Variants in ATP8A2 observed in about 807,000 individuals in gnomAD.
The protein encoded by ATP8A2 is ATPase phospholipid transporting 8A2, also known as phospholipid-transporting ATPase IB.
Under a neutral mutation model 165.6 loss-of-function variants are expected in ATP8A2, and 100 were observed. The ratio of observed to expected loss-of-function variants is 0.60; its 90% CI spans 0.51 to 0.71. The LOEUF (loss-of-function observed/expected upper bound fraction) is 0.71. Ranked by LOEUF, ATP8A2 falls within the 30% of genes least tolerant of loss-of-function variation. The pLI, the probability that ATP8A2 is intolerant of heterozygous loss-of-function variation, is 0.00. For missense variants in ATP8A2, 1,227 were observed against 1,479.5 expected (o/e 0.83, Z 2.80); for synonymous variants, 543 against 548.8 (o/e 0.99, Z 0.15).
intron 27 of ATP8A2, among the ~76,000 whole-genome samples, chr13:25,779,154 G>A (rs2044812685): frequency 6.6e-6 from 1 of 151,820 alleles, no homozygotes; most frequent in Admixed American, 6.6e-5. Context: ...ACAAACACTT[G>A]GCTGCTTTCA....
At chr13:25,420,960 C>T (rs891316791) in intron 1 of ATP8A2, among the ~76,000 whole-genome samples, 1 of 152,172 alleles carries the variant, frequency 6.6e-6, no homozygotes, top group Admixed American at 6.5e-5. Context: ...CATGGGATGT[C>T]TTCCTGAGGT....
At chr13:25,986,542 T>G (rs1956283090) in intron 35 of ATP8A2, among the ~76,000 whole-genome samples, 1 of 152,284 alleles carries the variant, frequency 6.6e-6, no homozygotes, top group Admixed American at 6.5e-5. Flanking sequence ...CAAGATTTCC[T>G]GTTTTATGGC....
intron 27 of ATP8A2, among the ~76,000 whole-genome samples, chr13:25,810,818 T>G (rs2138511995): frequency 6.6e-6 from 1 of 152,306 alleles, no homozygotes; most frequent in South Asian, 2.1e-4. Flanking sequence ...GTCACTTGTT[T>G]CCTGAGTAGA....
chr13:25,880,311 C>T (rs946610776), intron 33 of ATP8A2, among the ~76,000 whole-genome samples: 25 of 148,458 alleles, frequency 1.7e-4, no homozygotes, highest in African/African-American at 5.7e-4. Context: ...GAAGTAGCCA[C>T]ATGTCCCATC....
intron 25 of ATP8A2, among the ~76,000 whole-genome samples, chr13:25,715,348 T>G (rs1050110059): frequency 6.6e-6 from 1 of 152,226 alleles, no homozygotes; most frequent in African/African-American, 2.4e-5. Flanking sequence ...TATTGAAATA[T>G]TAGCATACCA....
chr13:25,384,232 A>T (rs1165579724), intron 1 of ATP8A2, among the ~76,000 whole-genome samples: 2 of 152,086 alleles, frequency 1.3e-5, no homozygotes, highest in South Asian at 4.1e-4. Flanking sequence ...TTTAGTTTTG[A>T]TTAGTTTTTA....
intron 1 of ATP8A2, among the ~76,000 whole-genome samples, chr13:25,423,475 T>C (rs1593286822): frequency 6.6e-6 from 1 of 152,336 alleles, no homozygotes; most frequent in East Asian, 1.9e-4. Context: ...TTTTGTATGA[T>C]AGAATTCTAA....
rs538997538 is a variant in ATP8A2 at position 25,563,775 on chromosome 13, T to C, written c.1398-181T>C. ...GTAAAGTATCTTATTTATAGTAAAC[T>C]CCAGGATTAATTGTTTTGAGGTTTA... is the stretch of plus-strand genomic sequence containing the variant. On this transcript the variant is annotated intron_variant, in intron 15 of 36. Coordinates refer to ENST00000381655, the MANE Select transcript of ATP8A2 (RefSeq NM_016529.6). Among the ~76,000 whole-genome samples, 6 of 152,294 alleles carry C rather than the reference T, an allele frequency of 3.9e-5. No individual in the cohort carries two copies. In the East Asian group the frequency reaches 9.6e-4, roughly 24 times the overall value.
At chr13:25,598,302 AT>A (rs1304802915) in intron 24 of ATP8A2, among the ~76,000 whole-genome samples, 1 of 151,816 alleles carries the variant, frequency 6.6e-6, no homozygotes, top group Non-Finnish European at 1.5e-5. Context: ...CTCCAACTTT[AT>A]TTTTTTTAAA....
intron 2 of ATP8A2, among the ~76,000 whole-genome samples, chr13:25,502,399 C>T (rs1335578085): frequency 2.6e-5 from 4 of 152,170 alleles, no homozygotes; most frequent in Admixed American, 2.6e-4. Flanking sequence ...AATTTACTGT[C>T]AAGTATTGAA....
chr13:25,588,481 C>T (rs4512948), intron 23 of ATP8A2, among the ~76,000 whole-genome samples: 5,792 of 152,214 alleles, frequency 0.038, 136 homozygotes, highest in Non-Finnish European at 0.051. Flanking sequence ...TTGCTAGCCA[C>T]GTGTAGCATC....
intron 35 of ATP8A2, among the ~76,000 whole-genome samples, chr13:25,992,891 A>C (rs1295834987): frequency 1.7e-5 from 2 of 119,450 alleles, no homozygotes; most frequent in Non-Finnish European, 1.7e-5. Context: ...TCCTGTGTCC[A>C]TGTGATCTCA....
At chr13:25,891,266 T>G (rs1953351152) in intron 33 of ATP8A2, among the ~76,000 whole-genome samples, 1 of 152,186 alleles carries the variant, frequency 6.6e-6, no homozygotes, top group African/African-American at 2.4e-5. Context: ...GTGTTGAAAG[T>G]GTGTCATATT....
At chr13:25,581,758 T>C in intron 22 of ATP8A2, 61 bp from the exon 23 acceptor site, 1 of 1,480,444 alleles carries the variant, frequency 6.8e-7, no homozygotes, top group Admixed American at 1.8e-5. Context: ...TTTGTCAGAA[T>C]TTGTTAGTGC....
chr13:25,939,554 C>A (rs1051930764), intron 33 of ATP8A2, among the ~76,000 whole-genome samples: 3 of 152,176 alleles, frequency 2.0e-5, no homozygotes, highest in Non-Finnish European at 4.4e-5. Context: ...TCCTGACTTT[C>A]GCCATATTGG....
chr13:25,874,422 T>G (rs1215166487), intron 33 of ATP8A2, among the ~76,000 whole-genome samples: 1 of 152,222 alleles, frequency 6.6e-6, no homozygotes, highest in Admixed American at 6.5e-5. Context: ...GTGCTCCTAT[T>G]GTATGTTCTC....
At chr13:25,983,753 C>T (rs573853631) in intron 35 of ATP8A2, among the ~76,000 whole-genome samples, 19 of 152,196 alleles carry the variant, frequency 1.2e-4, no homozygotes, top group African/African-American at 4.3e-4. Context: ...TGCCAGAGGT[C>T]AAGCTGAGCA....
chr13:25,383,645 A>G (rs2032935538), intron 1 of ATP8A2, among the ~76,000 whole-genome samples: 1 of 152,286 alleles, frequency 6.6e-6, no homozygotes, highest in Admixed American at 6.5e-5. Context: ...TTTTGATAGT[A>G]TTTTTGCTTA....
chr13:25,707,981 CT>C (rs1181894083), intron 25 of ATP8A2, among the ~76,000 whole-genome samples: 3 of 152,208 alleles, frequency 2.0e-5, no homozygotes, highest in Non-Finnish European at 4.4e-5. Flanking sequence ...CATGGGGACC[CT>C]TGTGAGACAC....
Sources: allele counts gnomAD v4.1 joint callset (sites outside exome capture counted in the v4.1 genomes callset), GRCh38; gene constraint gnomAD v4.1.1; transcripts MANE v1.5; gene names NCBI Gene and HGNC (gene_info 2026-07-23, HGNC 2026-07-21).